The following RAB22A variants were observed in gnomAD, a reference collection of about 807,000 sequenced individuals.
The protein encoded by RAB22A is ras-related protein Rab-22A.
RAB22A carries 13 observed loss-of-function variants against 30.2 expected under a neutral mutation model. The observed-to-expected ratio is 0.43, with a 90% CI of 0.28 to 0.68. The LOEUF (loss-of-function observed/expected upper bound fraction) is 0.68. Among genes scored for constraint, RAB22A ranks in the 30% least tolerant of loss-of-function variants. RAB22A has a pLI of 0.18. For synonymous variants in RAB22A, 89 were observed against 87.2 expected, an observed-to-expected ratio of 1.02 and a Z score of -0.11; for missense variants, 177 against 246.8, an observed-to-expected ratio of 0.72 and a Z score of 1.89.
intron 3 of RAB22A, among the ~76,000 whole-genome samples, chr20:58,350,906 G>A (rs1321305290): frequency 6.6e-6 from 1 of 152,188 alleles, no homozygotes; most frequent in Non-Finnish European, 1.5e-5. Flanking sequence ...ACACTGGATT[G>A]TATAGTTTAT....
At chr20:58,310,269 GCCCC>G (rs1165302789) in intron 1 of RAB22A, among the ~76,000 whole-genome samples, 1 of 151,618 alleles carries the variant, frequency 6.6e-6, no homozygotes, top group Middle Eastern at 3.4e-3. Flanking sequence ...AGAGCAAACA[GCCCC>G]CCCTTGCCTC....
chr20:58,326,673 G>A (rs1181950844), intron 2 of RAB22A, among the ~76,000 whole-genome samples: 1 of 152,074 alleles, frequency 6.6e-6, no homozygotes, highest in Non-Finnish European at 1.5e-5. Flanking sequence ...TTTCCTTTGG[G>A]AACTAGAGTA....
At chr20:58,358,430 C>G (rs1398803391) in intron 6 of RAB22A, among the ~76,000 whole-genome samples, 1 of 152,200 alleles carries the variant, frequency 6.6e-6, no homozygotes, top group Non-Finnish European at 1.5e-5. Context: ...TGACCTAGCT[C>G]TTCCACTCCG....
In RAB22A at chr20:58,366,636, G is replaced by A. The variant is rs1247820188; in HGVS notation, c.*6933G>A. On this transcript the variant is annotated 3_prime_UTR_variant, in exon 7 of 7. Coordinates refer to ENST00000244040, the MANE Select transcript of RAB22A (RefSeq NM_020673.3). ...TTGAAAGAAAAAAAAACCGGCCAGA[G>A]CATTAAAACAAATAAAATAAGAAAC... is the stretch of plus-strand genomic sequence containing the variant. The A allele has an allele frequency of 1.3e-5, 2 of 152,062 alleles. No individual in the cohort carries two copies. Among genetic ancestry groups the A allele is most frequent in the Non-Finnish European group, 2.9e-5 (2 of 68,010 alleles). The allele number at this position is 152,062 out of a possible 1,614,324, so 9.4% of individuals were successfully genotyped here.
intron 3 of RAB22A, among the ~76,000 whole-genome samples, chr20:58,352,223 A>C (rs1987063234): frequency 6.6e-6 from 1 of 152,180 alleles, no homozygotes; most frequent in Non-Finnish European, 1.5e-5. Context: ...TTAATACGAA[A>C]TTTTAAAAGC....
chr20:58,310,926 T>A lies in RAB22A; in HGVS notation c.37-117T>A, dbSNP rs1986212715. On this transcript the variant is annotated intron_variant, in intron 1 of 6. Transcript: ENST00000244040. ...AACCGCTTTTGTGTTCCTCCGTTTA[T>A]AAAATTTACACGTCTAGGGTGATTT... 4.9e-6 allele frequency: 4 copies of A among 814,032 alleles called. No individual in the cohort carries two copies. In the African/African-American group the frequency reaches 5.2e-5, roughly 11 times the overall value. The allele number at this position is 814,032 out of a possible 1,614,324, so 50.4% of individuals were successfully genotyped here. A position where few individuals can be genotyped will look rare whatever the true frequency, so the allele number is the denominator to read the frequency against.
chr20:58,355,879 C>T (rs1467935360), intron 6 of RAB22A, among the ~76,000 whole-genome samples: 1 of 152,132 alleles, frequency 6.6e-6, no homozygotes, highest in Non-Finnish European at 1.5e-5. Context: ...AGCAGGTACC[C>T]AGATGGATTT....
rs138275429 is a variant in RAB22A, at chr20:58,353,252, AT to A, written c.199-16del. 2 of 1,608,040 alleles carry A rather than the reference AT, an allele frequency of 1.2e-6. No homozygotes were observed. Among genetic ancestry groups the A allele is most frequent in the South Asian group, 1.1e-5 (1 of 89,722 alleles). Reference sequence around the variant, plus strand: ...TTAACCAGTTTTCCCAATTTTGTTTATTTTTCCCCCTCCTCTGCAGTTTCGT... The same window carrying A: ...TTAACCAGTTTTCCCAATTTTGTTTATTTTCCCCCTCCTCTGCAGTTTCGT... On this transcript the variant is annotated intron_variant, in intron 3 of 6. Transcript: ENST00000244040.
At chr20:58,359,546 A>G in intron 6 of RAB22A, 60 bp from the exon 7 acceptor site, 2 of 1,296,656 alleles carry the variant, frequency 1.5e-6, no homozygotes, top group Non-Finnish European at 2.1e-6. Context: ...TGCATCTGCA[A>G]AATTGTTGTG....
intron 2 of RAB22A, among the ~76,000 whole-genome samples, chr20:58,320,144 T>C (rs781739984): frequency 2.6e-5 from 4 of 152,228 alleles, no homozygotes; most frequent in Non-Finnish European, 5.9e-5. Flanking sequence ...TCTACTTTTT[T>C]GGAAGAGTTT....
intron 2 of RAB22A, among the ~76,000 whole-genome samples, chr20:58,314,846 AAAAAG>A (rs1300520093): frequency 2.0e-5 from 3 of 152,142 alleles, no homozygotes; most frequent in African/African-American, 4.8e-5. Flanking sequence ...ATCTCAAAAA[AAAAAG>A]AAAAGAAAAA....
intron 3 of RAB22A, among the ~76,000 whole-genome samples, chr20:58,349,095 T>G (rs138271905): frequency 6.6e-6 from 1 of 152,140 alleles, no homozygotes; most frequent in East Asian, 1.9e-4. Context: ...CTCCACCTTC[T>G]TTCTTTGCAT....
intron 2 of RAB22A, among the ~76,000 whole-genome samples, chr20:58,316,618 G>A (rs1172157397): frequency 6.6e-6 from 1 of 152,130 alleles, no homozygotes; most frequent in Non-Finnish European, 1.5e-5. Context: ...GTGTGCTAGA[G>A]TAGAAGATTG....
intron 2 of RAB22A, among the ~76,000 whole-genome samples, chr20:58,314,085 A>G (rs1184278215): frequency 6.8e-6 from 1 of 146,494 alleles, no homozygotes; most frequent in Non-Finnish European, 1.5e-5. Context: ...GTCTCTCTCT[A>G]TTACCCAGGC....
intron 2 of RAB22A, among the ~76,000 whole-genome samples, chr20:58,324,424 C>A (rs1229989925): frequency 1.3e-5 from 2 of 152,038 alleles, no homozygotes; most frequent in Non-Finnish European, 2.9e-5. Context: ...TGCCTTTGAT[C>A]AACTCTATGA....
intron 2 of RAB22A, among the ~76,000 whole-genome samples, chr20:58,319,012 C>G (rs1986400495): frequency 6.6e-6 from 1 of 152,102 alleles, no homozygotes; most frequent in Admixed American, 6.5e-5. Flanking sequence ...TATTTCTTAG[C>G]AAATGACAAA....
chr20:58,310,961 C>T (rs756958606), intron 1 of RAB22A, 82 bp from the exon 2 acceptor site: 12 of 1,159,884 alleles, frequency 1.0e-5, no homozygotes, highest in Non-Finnish European at 1.6e-5. Flanking sequence ...TTTCTAAAAT[C>T]CTGAACTTAT....
intron 3 of RAB22A, among the ~76,000 whole-genome samples, chr20:58,350,944 A>C (rs981343580): frequency 6.6e-6 from 1 of 152,250 alleles, no homozygotes; most frequent in Admixed American, 6.5e-5. Flanking sequence ...ATTATTTGAC[A>C]GTGGTAGTAC....
intron 2 of RAB22A, among the ~76,000 whole-genome samples, chr20:58,343,285 A>G (rs986490832): frequency 3.3e-5 from 5 of 152,216 alleles, no homozygotes; most frequent in African/African-American, 7.2e-5. Context: ...ACCTATTTAC[A>G]TGGGAATGTG....
Sources: allele counts gnomAD v4.1 joint callset (sites outside exome capture counted in the v4.1 genomes callset), GRCh38; gene constraint gnomAD v4.1.1; transcripts MANE v1.5; gene names NCBI Gene and HGNC (gene_info 2026-07-23, HGNC 2026-07-21).